Variants in CAMK4 observed in about 807,000 individuals in gnomAD.
CAMK4 encodes the protein calcium/calmodulin dependent protein kinase IV, also known as calcium/calmodulin-dependent protein kinase type IV.
A neutral mutation model predicts 44.9 loss-of-function variants in CAMK4; 22 were observed. The observed-to-expected ratio is 0.49, with a 90% CI of 0.35 to 0.70. The LOEUF is 0.70. CAMK4 is among the 30% of genes least tolerant of loss of function. The probability of loss-of-function intolerance (pLI) is 0.01; values close to 1 mark genes in which losing one functional copy is unlikely to be tolerated. For synonymous variants in CAMK4, 218 were observed against 215.4 expected, an observed-to-expected ratio of 1.01 and a Z score of -0.11; for missense variants, 498 against 586.8, an observed-to-expected ratio of 0.85 and a Z score of 1.56.
intron 1 of CAMK4, among the ~76,000 whole-genome samples, chr5:111,251,615 T>G (rs1253129201): frequency 6.6e-6 from 1 of 152,256 alleles, no homozygotes. Flanking sequence ...GGATTTAATT[T>G]GAGAAGGCCT....
In CAMK4 at chr5:111,274,049, T is replaced by C. The variant is rs561533051; in HGVS notation, c.161+49405T>C. Among the ~76,000 whole-genome samples the C allele has an allele frequency of 2.0e-5, 3 of 152,156 alleles. No individual in the cohort carries two copies. The East Asian group carries it at 5.8e-4, about 29-fold the overall frequency. ...TCATCTCTCATTGCATCCTCCTCCT[T>C]ACCCACTCCTTTCTGCTCACACTGG... On this transcript the variant is annotated intron_variant, in intron 1 of 10. Transcript: ENST00000282356.
chr5:111,296,787 C>A (rs1301348490), intron 1 of CAMK4, among the ~76,000 whole-genome samples: 3 of 152,172 alleles, frequency 2.0e-5, no homozygotes, highest in African/African-American at 7.2e-5. Context: ...GGGTGATGAG[C>A]CAAATGCCTG....
intron 1 of CAMK4, among the ~76,000 whole-genome samples, chr5:111,263,559 CCAGT>C (rs1561370932): frequency 6.6e-6 from 1 of 152,302 alleles, no homozygotes; most frequent in East Asian, 1.9e-4. Context: ...CTACCCTAAT[CCAGT>C]TCAACACCCT....
rs1379943925 is a variant in CAMK4, at chr5:111,340,231, G to A, written c.162-3793G>A. Among the ~76,000 whole-genome samples the A allele has an allele frequency of 7.3e-5, 11 of 151,050 alleles. No individual in the cohort carries two copies. The Admixed American group carries it at 7.3e-4, about 10-fold the overall frequency. On this transcript the variant is annotated intron_variant, in intron 1 of 10. Coordinates refer to ENST00000282356, the MANE Select transcript of CAMK4 (RefSeq NM_001744.6). Reference sequence around the variant, plus strand: ...TTTTATTTCTTTGCCTTGCCTAATTGTTCTGGCTAGGGTTTCTACTACTGT... The same window carrying A: ...TTTTATTTCTTTGCCTTGCCTAATTATTCTGGCTAGGGTTTCTACTACTGT...
chr5:111,369,227 C>T (rs912598103), intron 2 of CAMK4, among the ~76,000 whole-genome samples: 3 of 151,692 alleles, frequency 2.0e-5, no homozygotes, highest in African/African-American at 4.8e-5. Context: ...TGCCATGCCC[C>T]GCTAATTTTG....
intron 5 of CAMK4, among the ~76,000 whole-genome samples, chr5:111,435,333 T>C (rs1753607083): frequency 6.6e-6 from 1 of 152,116 alleles, no homozygotes; most frequent in African/African-American, 2.4e-5. Flanking sequence ...CCAAAACTCT[T>C]TTCTTTCTCC....
chr5:111,459,669 T>C (rs903006167), intron 7 of CAMK4, among the ~76,000 whole-genome samples: 1 of 150,598 alleles, frequency 6.6e-6, no homozygotes, highest in Non-Finnish European at 1.5e-5. Flanking sequence ...CATGTTCTCT[T>C]TGAGTTTAGA....
rs568414346 is a variant in CAMK4, at chr5:111,392,900, C to G, written c.387-1810C>G. Among the ~76,000 whole-genome samples, 3 of 152,210 alleles carry G rather than the reference C, an allele frequency of 2.0e-5. No homozygotes were observed. In the East Asian group the frequency reaches 5.8e-4, roughly 29 times the overall value. ...AACCACCAAAGACTTCAAAAGCCAA[C>G]TTGCATAGCCTATTACTGACCCAGG... On this transcript the variant is annotated intron_variant, in intron 4 of 10. Coordinates refer to ENST00000282356, the MANE Select transcript of CAMK4 (RefSeq NM_001744.6).
At chr5:111,421,289 G>T (rs561226290) in intron 5 of CAMK4, among the ~76,000 whole-genome samples, 1 of 152,142 alleles carries the variant, frequency 6.6e-6, no homozygotes, top group African/African-American at 2.4e-5. Context: ...CTGATTTTCT[G>T]GTTTTAGTTA....
In CAMK4 at chr5:111,287,372, T is replaced by A. The variant is rs373178235; in HGVS notation, c.162-56652T>A. ...ATTGTAGTTGTGAATATAGTTAGAG[T>A]TTAGAAAAGATCAATAAAAAAAAGC... On this transcript the variant is annotated intron_variant, in intron 1 of 10. Coordinates refer to ENST00000282356, the MANE Select transcript of CAMK4 (RefSeq NM_001744.6). Among the ~76,000 whole-genome samples the A allele has an allele frequency of 2.0e-5, 3 of 152,042 alleles. No homozygotes were observed. The East Asian group carries it at 5.8e-4, about 29-fold the overall frequency.
intron 1 of CAMK4, among the ~76,000 whole-genome samples, chr5:111,319,254 G>T (rs144115002): frequency 2.6e-5 from 4 of 152,148 alleles, no homozygotes; most frequent in Non-Finnish European, 5.9e-5. Context: ...AATTGAAAAA[G>T]TGTTAAGTTT....
At chr5:111,420,634 A>G (rs904724054) in intron 5 of CAMK4, among the ~76,000 whole-genome samples, 2 of 152,150 alleles carry the variant, frequency 1.3e-5, no homozygotes, top group Non-Finnish European at 1.5e-5. Context: ...TCGACCATAA[A>G]AGACAGGCAC....
chr5:111,469,525 G>A (rs755699902), intron 7 of CAMK4, among the ~76,000 whole-genome samples: 34 of 152,118 alleles, frequency 2.2e-4, no homozygotes, highest in Non-Finnish European at 4.6e-4. Flanking sequence ...CAGACTCCCT[G>A]TATAGTGGAT....
Position 111,485,501 on chromosome 5 carries a change from A to G in CAMK4, c.*1035A>G, listed in dbSNP as rs1230218117. The G allele has an allele frequency of 6.6e-6, 1 of 152,194 alleles. No homozygotes were observed. Among genetic ancestry groups the G allele is most frequent in the African/African-American group, 2.4e-5 (1 of 41,486 alleles). The allele number at this position is 152,194 out of a possible 1,614,324, so 9.4% of individuals were successfully genotyped here. A position where few individuals can be genotyped will look rare whatever the true frequency, so the allele number is the denominator to read the frequency against. ...TATTCATTATTGACTTTAATAGAGT[A>G]AGAAAACATTATTGTTTATCAAAGC... On this transcript the variant is annotated 3_prime_UTR_variant, in exon 11 of 11. Transcript: ENST00000282356.
intron 1 of CAMK4, among the ~76,000 whole-genome samples, chr5:111,256,552 A>G (rs767146073): frequency 1.3e-5 from 2 of 152,200 alleles, no homozygotes; most frequent in South Asian, 2.1e-4. Context: ...TGAATCTAGA[A>G]TTATTTCAAA....
chr5:111,315,152 T>G (rs1748366751), intron 1 of CAMK4, among the ~76,000 whole-genome samples: 1 of 152,114 alleles, frequency 6.6e-6, no homozygotes, highest in African/African-American at 2.4e-5. Flanking sequence ...TTTGGCAGAG[T>G]TTTTAAAGAA....
chr5:111,475,315 C>T (rs1468516282), intron 8 of CAMK4, among the ~76,000 whole-genome samples: 1 of 151,974 alleles, frequency 6.6e-6, no homozygotes, highest in Non-Finnish European at 1.5e-5. Flanking sequence ...TTGGTAGGTA[C>T]ATTGTTGAAA....
Position 111,420,952 on chromosome 5 carries a change from C to T in CAMK4, c.460-25734C>T, listed in dbSNP as rs116804911. ...AGGGTCCTGAGGCAACATACATCCTCCTCAGCCGATGGGATTAAGAGATTA... is the reference window on the plus strand; with the variant it reads ...AGGGTCCTGAGGCAACATACATCCTTCTCAGCCGATGGGATTAAGAGATTA... On this transcript the variant is annotated intron_variant, in intron 5 of 10. Transcript: ENST00000282356. Among the ~76,000 whole-genome samples, 604 of 151,954 alleles carry T rather than the reference C, an allele frequency of 4.0e-3. 6 individuals carry two copies. The highest frequency in any genetic ancestry group is 0.014 in the African/African-American group (573 of 41,260).
chr5:111,383,681 G>A (rs1341769684), intron 4 of CAMK4, among the ~76,000 whole-genome samples: 1 of 149,444 alleles, frequency 6.7e-6, no homozygotes, highest in African/African-American at 2.5e-5. Flanking sequence ...TCGCCAGGAT[G>A]GTCTGGATCT....
Sources: gnomAD v4.1 joint callset for allele counts (sites outside exome capture counted in the v4.1 genomes callset) on GRCh38, gnomAD v4.1.1 for gene constraint, MANE v1.5 for transcripts, NCBI Gene and HGNC (gene_info 2026-07-23, HGNC 2026-07-21) for gene names.